TMX3: variants seen among roughly 807,000 people sequenced by gnomAD.
TMX3 encodes the protein thioredoxin related transmembrane protein 3.
A neutral mutation model predicts 64.4 loss-of-function variants in TMX3; 40 were observed. The ratio of observed to expected loss-of-function variants is 0.62; its 90% CI spans 0.48 to 0.81. The LOEUF is 0.81. Ranked by LOEUF, TMX3 falls within the 30% of genes least tolerant of loss-of-function variation. The probability of loss-of-function intolerance (pLI) is 0.00; values close to 1 mark genes in which losing one functional copy is unlikely to be tolerated. For missense variants in TMX3, 497 were observed against 534.5 expected (o/e 0.93, Z 0.69); for synonymous variants, 189 against 175.7 (o/e 1.08, Z -0.60).
At chr18:68,681,714 T>C (rs941257083) in intron 13 of TMX3, among the ~76,000 whole-genome samples, 1 of 152,206 alleles carries the variant, frequency 6.6e-6, no homozygotes, top group Non-Finnish European at 1.5e-5. Context: ...CAATAACAAA[T>C]GAAGGCATTT....
chr18:68,705,397 C>T (rs1381611160), intron 4 of TMX3, among the ~76,000 whole-genome samples: 1 of 152,192 alleles, frequency 6.6e-6, no homozygotes, highest in Non-Finnish European at 1.5e-5. Context: ...AGCCCTGAAA[C>T]AGTCACTGAC....
intron 12 of TMX3, among the ~76,000 whole-genome samples, chr18:68,683,253 G>A (rs1913619500): frequency 6.6e-6 from 1 of 151,760 alleles, no homozygotes; most frequent in African/African-American, 2.4e-5. Flanking sequence ...TAAAATTCAG[G>A]GAAATATCAG....
In TMX3 at chr18:68,696,333, C is replaced by G. The variant is rs1210364956; in HGVS notation, c.570+893G>C. On this transcript the variant is annotated intron_variant, in intron 8 of 15. Coordinates refer to ENST00000299608, the MANE Select transcript of TMX3 (RefSeq NM_019022.5). ...GGATTACAGGCGTGCGCCACCACAC[C>G]CAGCTAATTTTTGTATTTTTAGTAG... Among the ~76,000 whole-genome samples, 3 of 152,060 alleles carry G rather than the reference C, an allele frequency of 2.0e-5. No individual in the cohort carries two copies. In the East Asian group the frequency reaches 5.8e-4, roughly 29 times the overall value.
Position 68,675,144 on chromosome 18 carries a change from G to A in TMX3, c.*1789C>T, listed in dbSNP as rs539238050. ...AGGCTGAGTTTCAAATGAGGTATCCGTACTCATCTAAGCTTTTCACTACTG... is the reference window on the plus strand; with the variant it reads ...AGGCTGAGTTTCAAATGAGGTATCCATACTCATCTAAGCTTTTCACTACTG... On this transcript the variant is annotated 3_prime_UTR_variant, in exon 16 of 16. Transcript: ENST00000299608. The A allele has an allele frequency of 1.3e-5, 2 of 152,130 alleles. No individual in the cohort carries two copies. Among genetic ancestry groups the A allele is most frequent in the South Asian group, 2.1e-4 (1 of 4,814 alleles). 9.4% of individuals were successfully genotyped at this position (152,130 alleles called of 1,614,324 possible). A position where few individuals can be genotyped will look rare whatever the true frequency, so the allele number is the denominator to read the frequency against.
chr18:68,681,486 ATTC>A (rs1465579015), intron 13 of TMX3: 1 of 983,960 alleles, frequency 1.0e-6, no homozygotes, highest in African/African-American at 1.7e-5. Flanking sequence ...TTTTCTCTTG[ATTC>A]TTCATTATAT....
Position 68,697,286 on chromosome 18 carries a change from A to G in TMX3, c.510T>C (p.Ala170=). Residue 170 remains alanine, a synonymous_variant, in exon 8 of 16, where the codon GCT becomes GCC. Transcript: ENST00000299608. ...ESPLKEKYID[A]ASELIVYTYF... is the part of the protein sequence containing the mutation. ...ATGTATATACAATCAATTCTGAAGC[A>G]GCATCTATGTATTTCTCCTATGAAG... 2.5e-6 allele frequency: 4 copies of G among 1,577,462 alleles called. No individual in the cohort carries two copies. Among genetic ancestry groups the G allele is most frequent in the Non-Finnish European group, 3.4e-6 (4 of 1,159,860 alleles).
In TMX3 at chr18:68,697,993, T is replaced by G; in HGVS notation, c.431A>C (p.Glu144Ala). The G allele has an allele frequency of 1.2e-6, 2 of 1,612,286 alleles. No individual in the cohort carries two copies. The highest frequency in any genetic ancestry group is 1.3e-5 in the African/African-American group (1 of 75,030). Reference protein sequence around the residue: ...IRPLPSQQMFEHMQKRHRVFF... With the variant: ...IRPLPSQQMFAHMQKRHRVFF... ...TACACGGTGTCTCTTCTGCATATGTTCAAACATTTGTTGACTTGGAAGTGG... is the reference window on the plus strand; with the variant it reads ...TACACGGTGTCTCTTCTGCATATGTGCAAACATTTGTTGACTTGGAAGTGG... The change falls in exon 7 of 16, where the codon GAA becomes GCA. Residue 144 changes from glutamate (E) to alanine (A), a missense_variant. Physicochemically the swap from Glu to Ala is moderately radical, Grantham distance 107. This residue lies in a region of TMX3 where 360 missense variants were observed against 383.5 expected (regional missense o/e 0.94). Transcript: ENST00000299608.
chr18:68,693,404 C>T (rs980396669), intron 8 of TMX3, among the ~76,000 whole-genome samples: 4 of 152,114 alleles, frequency 2.6e-5, no homozygotes. Context: ...CATCCCTGAG[C>T]TCTCCGGGGC....
chr18:68,697,166 A>C, intron 8 of TMX3, 60 bp downstream of exon 8: 1 of 867,784 alleles, frequency 1.2e-6, no homozygotes, highest in Non-Finnish European at 1.8e-6. Context: ...TTAGTTTATT[A>C]AATCAAGTAA....
chr18:68,684,398 G>A, intron 11 of TMX3, 30 bp downstream of exon 11: 1 of 1,597,924 alleles, frequency 6.3e-7, no homozygotes, highest in Non-Finnish European at 8.6e-7. Flanking sequence ...ATGAACATTT[G>A]AAGCTTAAAA....
chr18:68,689,141 T>C (rs1914252553), intron 9 of TMX3: 1 of 152,220 alleles, frequency 6.6e-6, no homozygotes, highest in South Asian at 2.1e-4. Flanking sequence ...AATATTTAAA[T>C]AAGGATTCAA....
In TMX3 at chr18:68,709,228, T is replaced by C. The variant is rs141106110; in HGVS notation, c.265+793A>G. 3.3e-5 allele frequency among the ~76,000 whole-genome samples: 5 copies of C among 152,278 alleles called. No individual in the cohort carries two copies. The East Asian group carries it at 9.6e-4, about 29-fold the overall frequency. ...GCAAAAGTAGCAGGCAGAGCGAGGATTTGAATCAAAATCTGCTCTCTGAAA... is the reference window on the plus strand; with the variant it reads ...GCAAAAGTAGCAGGCAGAGCGAGGACTTGAATCAAAATCTGCTCTCTGAAA... On this transcript the variant is annotated intron_variant, in intron 4 of 15. Coordinates refer to ENST00000299608, the MANE Select transcript of TMX3 (RefSeq NM_019022.5).
At chr18:68,711,491 T>A in intron 2 of TMX3, 88 bp from the exon 3 acceptor site, 1 of 936,932 alleles carries the variant, frequency 1.1e-6, no homozygotes, top group South Asian at 2.2e-5. Context: ...CATTGATAAA[T>A]ATAAGGGAAA....
At chr18:68,689,672 T>C (rs1914323688) in intron 9 of TMX3, 1 of 152,182 alleles carries the variant, frequency 6.6e-6, no homozygotes, top group Non-Finnish European at 1.5e-5. Flanking sequence ...TAGGTGTGGC[T>C]ACAAATTATT....
At chr18:68,713,682 A>C in intron 2 of TMX3, among the ~76,000 whole-genome samples, 164 bp downstream of exon 2, 1 of 152,214 alleles carries the variant, frequency 6.6e-6, no homozygotes, top group East Asian at 1.9e-4. Context: ...AACTATTAAT[A>C]AAACTCTTCT....
chr18:68,681,562 A>G, intron 13 of TMX3: 3 of 985,038 alleles, frequency 3.0e-6, no homozygotes, highest in Non-Finnish European at 3.6e-6. Context: ...TGAGAGGGAT[A>G]ATAAATGAAG....
chr18:68,700,780 G>A, intron 5 of TMX3: 2 of 985,178 alleles, frequency 2.0e-6, no homozygotes, highest in Non-Finnish European at 2.4e-6. Context: ...ATGGTCAAGA[G>A]CTTGGAAAAT....
At chr18:68,700,327 G>T in intron 6 of TMX3, 78 bp downstream of exon 6, 1 of 1,006,308 alleles carries the variant, frequency 9.9e-7, no homozygotes, top group Non-Finnish European at 1.4e-6. Context: ...AAATATGTTT[G>T]TTCAATACAG....
chr18:68,714,789 G>C (rs2031764478), intron 1 of TMX3, 147 bp downstream of exon 1: 4 of 1,140,676 alleles, frequency 3.5e-6, no homozygotes, highest in South Asian at 3.3e-5. Context: ...AGGGTGGCGC[G>C]GCGGGGGCGG....
Sources: allele counts gnomAD v4.1 joint callset (sites outside exome capture counted in the v4.1 genomes callset), GRCh38; gene constraint gnomAD v4.1.1; regional missense constraint gnomAD v4.1.1; transcripts MANE v1.5; gene names NCBI Gene and HGNC (gene_info 2026-07-23, HGNC 2026-07-21).